POLR3A: variants seen among roughly 807,000 people sequenced by gnomAD.
POLR3A encodes the protein RNA polymerase III subunit A.
In POLR3A, 112 loss-of-function variants were observed where a neutral mutation model predicts 152.8. The ratio of observed to expected loss-of-function variants is 0.73; its 90% CI spans 0.63 to 0.86. POLR3A has a LOEUF of 0.86. Among genes scored for constraint, POLR3A ranks in the 40% least tolerant of loss-of-function variants. The probability of loss-of-function intolerance (pLI) is 0.00; values close to 1 mark genes in which losing one functional copy is unlikely to be tolerated. For missense variants in POLR3A, 1,385 were observed against 1,743.1 expected (o/e 0.79, Z 3.66); for synonymous variants, 615 against 652.1 (o/e 0.94, Z 0.87).
chr10:78,013,610 G>A, intron 11 of POLR3A, 40 bp downstream of exon 11: 1 of 1,606,582 alleles, frequency 6.2e-7, no homozygotes, highest in Non-Finnish European at 8.5e-7. Context: ...TCCTTTCAAG[G>A]AGCTGTTATG....
At chr10:77,989,741 G>A (rs1259120825) in intron 21 of POLR3A, among the ~76,000 whole-genome samples, 1 of 152,094 alleles carries the variant, frequency 6.6e-6, no homozygotes, top group African/African-American at 2.4e-5. Flanking sequence ...ACGTTACCTC[G>A]TTATAGCTTT....
chr10:78,029,350 TTAC>T lies in POLR3A; in HGVS notation c.44+11_44+13del. On this transcript the variant is annotated intron_variant, in intron 1 of 30. Coordinates refer to ENST00000372371, the MANE Select transcript of POLR3A (RefSeq NM_007055.4). ...CTATTTCTCAGCCCTTTGGCCACTC[TTAC>T]TCCGTCTTACATTTTCTTGGCCACA... The T allele has an allele frequency of 6.2e-7, 1 of 1,614,064 alleles. No homozygotes were observed. Among genetic ancestry groups the T allele is most frequent in the Non-Finnish European group, 8.5e-7 (1 of 1,179,956 alleles).
At position 78,024,887 on chromosome 10, in the gene POLR3A, C is replaced by T. The variant is rs777846612; in HGVS notation, c.490+84G>A. 1.3e-4 allele frequency: 204 copies of T among 1,549,648 alleles called. No homozygotes were observed. In the Middle Eastern group the frequency reaches 1.5e-3, roughly 11 times the overall value. ...ATTTATAAGGAGAAAAGCTGACTCC[C>T]GAACATTATGTAAACCTAATAAACT... is the stretch of plus-strand genomic sequence containing the variant. On this transcript the variant is annotated intron_variant, in intron 4 of 30. Transcript: ENST00000372371.
In POLR3A at chr10:77,991,157, G is replaced by A. The variant is rs746010379; in HGVS notation, c.2798C>T (p.Pro933Leu). 8.1e-6 allele frequency: 13 copies of A among 1,603,926 alleles called. No homozygotes were observed. Among genetic ancestry groups the A allele is most frequent in the Middle Eastern group, 3.3e-4 (2 of 6,066 alleles). Residue 933 changes from proline to leucine, a missense_variant, in exon 21 of 31, where the codon CCG becomes CTG. This residue lies in a region of POLR3A where 178 missense variants were observed against 204.6 expected (regional missense o/e 0.87). Transcript: ENST00000372371. ...RVLDNIKAVF[P>L]CPSEPALSKN... The stretch of plus-strand genomic sequence containing the variant: ...GCTGAGAGCAGGCTCACTGGGACAC[G>A]GGAAGACTGCCTTGAGTATTAAAAG...
At chr10:77,977,670 G>A (rs753001115) in intron 30 of POLR3A, 44 bp from the exon 31 acceptor site, 37 of 1,558,218 alleles carry the variant, frequency 2.4e-5, no homozygotes, top group Non-Finnish European at 3.3e-5. Flanking sequence ...CTAAACACAA[G>A]GTACATTTTC....
chr10:77,983,851 C>T (rs1847171377), intron 26 of POLR3A, 69 bp downstream of exon 26: 2 of 961,000 alleles, frequency 2.1e-6, no homozygotes, highest in African/African-American at 3.2e-5. Context: ...AGCTCTTGCC[C>T]TAGTTTATCA....
intron 19 of POLR3A, among the ~76,000 whole-genome samples, chr10:77,999,726 T>C (rs1010593752): frequency 2.0e-5 from 3 of 152,234 alleles, no homozygotes; most frequent in African/African-American, 7.2e-5. Flanking sequence ...TGTACTTCCA[T>C]CCATGTTCTC....
intron 24 of POLR3A, among the ~76,000 whole-genome samples, chr10:77,984,641 C>T (rs1177734481): frequency 6.6e-5 from 10 of 152,144 alleles, no homozygotes; most frequent in South Asian, 2.1e-4. Flanking sequence ...TGCGCCCAGC[C>T]GACTATCTTT....
chr10:77,990,801 A>T (rs1847240302), intron 21 of POLR3A, among the ~76,000 whole-genome samples: 1 of 151,968 alleles, frequency 6.6e-6, no homozygotes, highest in Admixed American at 6.6e-5. Context: ...TTTAGTAGAG[A>T]CAGGGTCTCA....
intron 30 of POLR3A, 140 bp downstream of exon 30, chr10:77,980,001 C>T (rs1287789494): frequency 2.5e-6 from 2 of 803,110 alleles, no homozygotes; most frequent in East Asian, 2.5e-5. Flanking sequence ...CCAGCAGTTC[C>T]AATTCGTGTC....
chr10:78,002,242 C>T lies in POLR3A; in HGVS notation c.2314G>A (p.Asp772Asn). The T allele has an allele frequency of 1.9e-6, 3 of 1,603,282 alleles. No individual in the cohort carries two copies. Among genetic ancestry groups the T allele is most frequent in the South Asian group, 1.1e-5 (1 of 88,104 alleles). The change falls in exon 17 of 31, where the codon GAC becomes AAC. Residue 772 changes from aspartate (D) to asparagine (N), a missense_variant. Physicochemically the swap from Asp to Asn is conservative, Grantham distance 23. This residue lies in a region of POLR3A where 170 missense variants were observed against 231.2 expected (regional missense o/e 0.74). Coordinates refer to ENST00000372371, the MANE Select transcript of POLR3A (RefSeq NM_007055.4). ...ATGGTGAGGGGGCTGTTGCTCTTGTCCAGCTCCCGGAGGCAGGCACTGCCA... is the reference window on the plus strand; with the variant it reads ...ATGGTGAGGGGGCTGTTGCTCTTGTTCAGCTCCCGGAGGCAGGCACTGCCA... ...HAGSACLREL[D>N]KSNSPLTMAL...
At chr10:78,013,362 T>C (rs1388613625) in intron 11 of POLR3A, 5 of 440,158 alleles carry the variant, frequency 1.1e-5, no homozygotes, top group South Asian at 4.5e-5. Flanking sequence ...CTGGCCCTCA[T>C]GTATACATTT....
At chr10:78,018,116 C>T (rs1417805215) in intron 9 of POLR3A, among the ~76,000 whole-genome samples, 1 of 146,958 alleles carries the variant, frequency 6.8e-6, no homozygotes, top group Non-Finnish European at 1.5e-5. Flanking sequence ...GTGGAGACTG[C>T]AGTGAGCCAT....
chr10:77,982,553 T>C, intron 27 of POLR3A, 100 bp downstream of exon 27: 1 of 1,122,140 alleles, frequency 8.9e-7, no homozygotes, highest in South Asian at 1.3e-5. Context: ...CAAGAAGAAA[T>C]TAAGAAATCG....
chr10:78,016,932 C>T (rs7895804), intron 10 of POLR3A, among the ~76,000 whole-genome samples: 4,816 of 151,356 alleles, frequency 0.032, 284 homozygotes, highest in African/African-American at 0.11. Flanking sequence ...TTTGTGCACA[C>T]AACACATATA....
chr10:77,988,085 G>T (rs1464009559), intron 21 of POLR3A, among the ~76,000 whole-genome samples: 1 of 152,200 alleles, frequency 6.6e-6, no homozygotes. Flanking sequence ...ACACATCCTG[G>T]CTGTCAGTTC....
chr10:77,996,489 G>A (rs1245450659), intron 19 of POLR3A, among the ~76,000 whole-genome samples: 10 of 152,270 alleles, frequency 6.6e-5, no homozygotes, highest in African/African-American at 2.4e-4. Context: ...TATCACCAAC[G>A]ATCCCACAGA....
At chr10:77,999,879 C>T (rs1361073379) in intron 19 of POLR3A, 102 bp downstream of exon 19, 4 of 1,166,470 alleles carry the variant, frequency 3.4e-6, no homozygotes, top group African/African-American at 3.0e-5. Flanking sequence ...TAACCCAAGA[C>T]TAGATAAATT....
chr10:78,016,944 GTGTATATGTTTTTGTGAAACCA>G (rs1847530440), intron 10 of POLR3A, among the ~76,000 whole-genome samples: 1 of 151,436 alleles, frequency 6.6e-6, no homozygotes, highest in Non-Finnish European at 1.5e-5. Flanking sequence ...ACACATATAC[GTGTATATGTTTTTGTGAAACCA>G]TGCTAGTCAC....
Sources: gnomAD v4.1 joint callset for allele counts (sites outside exome capture counted in the v4.1 genomes callset) on GRCh38, gnomAD v4.1.1 for gene constraint, gnomAD v4.1.1 regional missense constraint, MANE v1.5 for transcripts, NCBI Gene and HGNC (gene_info 2026-07-23, HGNC 2026-07-21) for gene names.